Variants in XRCC5 observed in about 807,000 individuals in gnomAD.
XRCC5 encodes DNA repair protein Ku80.
XRCC5 carries 12 observed loss-of-function variants against 95.7 expected under a neutral mutation model. The ratio of observed to expected loss-of-function variants is 0.13; its 90% confidence interval spans 0.08 to 0.20. XRCC5 has a LOEUF of 0.20. Among genes scored for constraint, XRCC5 ranks in the 10% least tolerant of loss-of-function variants. XRCC5 has a pLI of 1.00. For missense variants in XRCC5, 595 were observed against 873.9 expected (o/e 0.68, Z 4.02); for synonymous variants, 281 against 290.3 (o/e 0.97, Z 0.33).
chr2:216,173,436 G>T (rs527473386), intron 16 of XRCC5, among the ~76,000 whole-genome samples: 2 of 152,254 alleles, frequency 1.3e-5, no homozygotes, highest in African/African-American at 4.8e-5. Context: ...AATGGATGTT[G>T]AGTTTTGTTA....
At position 216,137,127 on chromosome 2, in the gene XRCC5, G is replaced by A; in HGVS notation, c.1153G>A (p.Asp385Asn). ...VALSSLIHAL[D>N]DLDMVAIVRY... Reference sequence around the variant, plus strand: ...ACTTTCCTCCCTGATTCATGCTTTGGATGACTTAGACATGGTGGCCATAGT... The same window carrying A: ...ACTTTCCTCCCTGATTCATGCTTTGAATGACTTAGACATGGTGGCCATAGT... The change falls in exon 11 of 21, where the codon GAT becomes AAT. Residue 385 changes from aspartate to asparagine, a missense_variant. Coordinates refer to ENST00000392132, the MANE Select transcript of XRCC5 (RefSeq NM_021141.4). 6.2e-7 allele frequency: 1 copy of A among 1,613,630 alleles called. No homozygotes were observed. Among genetic ancestry groups the A allele is most frequent in the South Asian group, 1.1e-5 (1 of 90,982 alleles).
chr2:216,199,438 A>G (rs1689793261), intron 19 of XRCC5, among the ~76,000 whole-genome samples: 1 of 152,180 alleles, frequency 6.6e-6, no homozygotes, highest in Non-Finnish European at 1.5e-5. Flanking sequence ...GTGAGTTTAG[A>G]CAGTCACTTT....
intron 9 of XRCC5, among the ~76,000 whole-genome samples, chr2:216,131,502 C>T (rs1050783177): frequency 6.6e-6 from 1 of 152,120 alleles, no homozygotes; most frequent in East Asian, 1.9e-4. Context: ...CTTCAATACT[C>T]ATTTTCTAAT....
At chr2:216,171,276 T>C (rs922466709) in intron 16 of XRCC5, among the ~76,000 whole-genome samples, 5 of 152,196 alleles carry the variant, frequency 3.3e-5, no homozygotes, top group African/African-American at 1.2e-4. Flanking sequence ...AAGTGGCAAG[T>C]GTAATTTGGT....
At chr2:216,123,670 G>T (rs1696856053) in intron 6 of XRCC5, among the ~76,000 whole-genome samples, 1 of 152,170 alleles carries the variant, frequency 6.6e-6, no homozygotes, top group Non-Finnish European at 1.5e-5. Context: ...GCTGGGCATG[G>T]TGGTGCATGC....
chr2:216,111,931 C>T (rs1696597441), intron 1 of XRCC5, among the ~76,000 whole-genome samples: 1 of 152,160 alleles, frequency 6.6e-6, no homozygotes, highest in South Asian at 2.1e-4. Context: ...CTTTTTTCAC[C>T]AGAAGACCCT....
At chr2:216,161,136 A>G (rs1439601581) in intron 15 of XRCC5, among the ~76,000 whole-genome samples, 1 of 152,178 alleles carries the variant, frequency 6.6e-6, no homozygotes, top group Non-Finnish European at 1.5e-5. Flanking sequence ...AGAAACTCAG[A>G]AAAATTGAAT....
At chr2:216,144,836 G>C (rs1005468983) in intron 13 of XRCC5, among the ~76,000 whole-genome samples, 2 of 152,162 alleles carry the variant, frequency 1.3e-5, no homozygotes, top group African/African-American at 4.8e-5. Flanking sequence ...GGGTGAGTAG[G>C]AGAGAGAACA....
At chr2:216,125,661 T>C (rs552584967) in intron 6 of XRCC5, among the ~76,000 whole-genome samples, 9 of 152,150 alleles carry the variant, frequency 5.9e-5, no homozygotes, top group Non-Finnish European at 1.0e-4. Flanking sequence ...AATAAAGTAT[T>C]GAATAAGAGG....
At chr2:216,190,854 C>A (rs1689602007) in intron 17 of XRCC5, among the ~76,000 whole-genome samples, 1 of 152,082 alleles carries the variant, frequency 6.6e-6, no homozygotes, top group Non-Finnish European at 1.5e-5. Context: ...GAAAATATTT[C>A]TAAAACTTTT....
rs368545702 is a variant in XRCC5 at position 216,141,118 on chromosome 2, G to A, written c.1343-68G>A. The A allele has an allele frequency of 6.1e-5, 96 of 1,585,586 alleles. 2 individuals carry two copies. The highest frequency in any genetic ancestry group is 3.4e-4 in the South Asian group (30 of 88,596). ...CCAATATTGCCGTGGATATCTCTAC[G>A]TAGAAAGCATTTGTTTTAGTGGAGA... On this transcript the variant is annotated intron_variant, in intron 12 of 20. Coordinates refer to ENST00000392132, the MANE Select transcript of XRCC5 (RefSeq NM_021141.4).
At chr2:216,128,626 C>T (rs1044031535) in intron 8 of XRCC5, among the ~76,000 whole-genome samples, 2 of 152,172 alleles carry the variant, frequency 1.3e-5, no homozygotes, top group African/African-American at 4.8e-5. Flanking sequence ...AGTATAATGA[C>T]TGGCTCATAG....
At position 216,109,396 on chromosome 2, in the gene XRCC5, CCGCCCGGAAGAAG is replaced by C; in HGVS notation, c.-38_-26del. 6.2e-7 allele frequency: 1 copy of C among 1,613,310 alleles called. No individual in the cohort carries two copies. Among genetic ancestry groups the C allele is most frequent in the South Asian group, 1.1e-5 (1 of 91,020 alleles). ...AAGCGAGTTGCGACACGGCAGGTTC[CCGCCCGGAAGAAG>C]CGACCAAAGCGCCTGAGGACCGGCA... On this transcript the variant is annotated 5_prime_UTR_variant, in exon 1 of 21. Transcript: ENST00000392132.
intron 11 of XRCC5, among the ~76,000 whole-genome samples, 168 bp downstream of exon 11, chr2:216,137,393 T>C (rs967316609): frequency 1.3e-5 from 2 of 152,190 alleles, no homozygotes; most frequent in Non-Finnish European, 2.9e-5. Flanking sequence ...TCTCGAGAAA[T>C]GCTGATACTG....
Position 216,116,828 on chromosome 2 carries a change from C to G in XRCC5, c.305C>G (p.Ser102Cys), listed in dbSNP as rs201411005. ...ATTGAAAGCAAAATCCAACCAGGTT[C>G]TCAACAGGCTGACTGTATCCTTTTT... Reference protein sequence around the residue: ...EDIESKIQPGSQQADFLDALI... With the variant: ...EDIESKIQPGCQQADFLDALI... The change falls in exon 3 of 21, where the codon TCT becomes TGT. Residue 102 changes from serine (S) to cysteine (C), a missense_variant. By Grantham distance (112) the Ser-to-Cys change is moderately radical. This residue lies in a region of XRCC5 where 286 missense variants were observed against 491.1 expected (regional missense o/e 0.58). Transcript: ENST00000392132. 119 of 1,614,042 alleles carry G rather than the reference C, an allele frequency of 7.4e-5. No homozygotes were observed. Among genetic ancestry groups the G allele is most frequent in the Non-Finnish European group, 4.2e-5 (49 of 1,179,952 alleles).
chr2:216,198,852 T>A (rs1210048583), intron 19 of XRCC5, among the ~76,000 whole-genome samples: 2 of 152,178 alleles, frequency 1.3e-5, no homozygotes, highest in African/African-American at 4.8e-5. Context: ...CAGCCATGCC[T>A]GGCCTGAAAA....
intron 14 of XRCC5, among the ~76,000 whole-genome samples, chr2:216,149,646 C>T (rs1041588240): frequency 6.6e-6 from 1 of 152,084 alleles, no homozygotes; most frequent in Non-Finnish European, 1.5e-5. Flanking sequence ...ATCTTGATTA[C>T]CTTCTGGTGT....
At chr2:216,201,144 A>G (rs1304481563) in intron 19 of XRCC5, among the ~76,000 whole-genome samples, 4 of 152,356 alleles carry the variant, frequency 2.6e-5, no homozygotes, top group Non-Finnish European at 5.9e-5. Context: ...ACAGGGTTAT[A>G]GTTGTGTTCT....
chr2:216,166,954 A>G (rs1451929618), intron 16 of XRCC5, among the ~76,000 whole-genome samples: 1 of 152,130 alleles, frequency 6.6e-6, no homozygotes, highest in Non-Finnish European at 1.5e-5. Flanking sequence ...TTATAATGAG[A>G]CGATTCTCTT....
Sources: allele counts gnomAD v4.1 joint callset (sites outside exome capture counted in the v4.1 genomes callset), GRCh38; gene constraint gnomAD v4.1.1; regional missense constraint gnomAD v4.1.1; transcripts MANE v1.5; gene names NCBI Gene and HGNC (gene_info 2026-07-23, HGNC 2026-07-21).